COL24A1: variants seen among roughly 807,000 people sequenced by gnomAD.
The protein encoded by COL24A1 is collagen alpha-1(XXIV) chain.
In COL24A1, 224 loss-of-function variants were observed where a neutral mutation model predicts 253.9. The ratio of observed to expected loss-of-function variants is 0.88; its 90% CI spans 0.79 to 0.99. The LOEUF is 0.99. COL24A1 is among the 50% of genes least tolerant of loss of function. The probability of loss-of-function intolerance (pLI) is 0.00; values close to 1 mark genes in which losing one functional copy is unlikely to be tolerated. For synonymous variants in COL24A1, 685 were observed against 673.7 expected (o/e 1.02, Z -0.26); for missense variants, 2,131 against 2,068.5 (o/e 1.03, Z -0.59).
chr1:85,830,238 G>A (rs1340402932), intron 43 of COL24A1, among the ~76,000 whole-genome samples: 3 of 150,966 alleles, frequency 2.0e-5, no homozygotes, highest in Non-Finnish European at 4.5e-5. Context: ...GCTGCTCGGG[G>A]GTCAGGGGTC....
chr1:85,737,416 G>GT lies in COL24A1; in HGVS notation c.4761dup (p.Pro1588ThrfsTer64). The GT allele has an allele frequency of 6.2e-7, 1 of 1,612,012 alleles. No individual in the cohort carries two copies. Among genetic ancestry groups the GT allele is most frequent in the Non-Finnish European group, 8.5e-7 (1 of 1,178,680 alleles). On this transcript the variant is annotated frameshift_variant, in exon 58 of 60. Transcript: ENST00000370571. LOFTEE classifies it high-confidence loss of function. ...CATACCTTTGTTACAGAAACAGGAG[G>GT]TAAGCATGTCTGGCCACCAGCACTG...
chr1:85,784,917 G>T (rs548934460), intron 48 of COL24A1, among the ~76,000 whole-genome samples: 4 of 151,928 alleles, frequency 2.6e-5, no homozygotes, highest in Non-Finnish European at 5.9e-5. Context: ...TTTTTGTAGA[G>T]ACAGGATCTC....
At chr1:85,780,278 AT>A (rs1669017466) in intron 52 of COL24A1, among the ~76,000 whole-genome samples, 1 of 152,114 alleles carries the variant, frequency 6.6e-6, no homozygotes, top group African/African-American at 2.4e-5. Flanking sequence ...CTATTTTTAT[AT>A]TTTTTAATTG....
chr1:86,069,969 C>A (rs763409140), intron 7 of COL24A1, among the ~76,000 whole-genome samples: 18 of 152,098 alleles, frequency 1.2e-4, no homozygotes, highest in Non-Finnish European at 2.5e-4. Flanking sequence ...ATGATCTCAC[C>A]AAATGAACTA....
At chr1:86,027,983 T>G (rs984329551) in intron 14 of COL24A1, among the ~76,000 whole-genome samples, 1 of 152,202 alleles carries the variant, frequency 6.6e-6, no homozygotes, top group Non-Finnish European at 1.5e-5. Flanking sequence ...TTTGGAATTT[T>G]AAGTTTTAAT....
intron 19 of COL24A1, among the ~76,000 whole-genome samples, chr1:85,994,411 GAAA>G (rs56146912): frequency 1.2e-4 from 17 of 141,600 alleles, no homozygotes; most frequent in South Asian, 4.4e-4. Context: ...AAGTTATCCT[GAAA>G]AAAAAAAAAA....
At chr1:86,100,584 C>T (rs1704358758) in intron 5 of COL24A1, among the ~76,000 whole-genome samples, 1 of 152,024 alleles carries the variant, frequency 6.6e-6, no homozygotes, top group Non-Finnish European at 1.5e-5. Flanking sequence ...CCCTTCTGAC[C>T]ACACCAGAGT....
At chr1:85,981,304 A>T (rs1417092959) in intron 20 of COL24A1, among the ~76,000 whole-genome samples, 2 of 152,210 alleles carry the variant, frequency 1.3e-5, no homozygotes, top group African/African-American at 4.8e-5. Context: ...ATGTAGACCA[A>T]TGGGCCAGAC....
chr1:86,002,421 G>T (rs1292658913), intron 19 of COL24A1, among the ~76,000 whole-genome samples: 1 of 152,132 alleles, frequency 6.6e-6, no homozygotes, highest in African/African-American at 2.4e-5. Context: ...CCCATAAATG[G>T]TATATAGTCA....
chr1:85,853,836 T>G (rs911479222), intron 37 of COL24A1, among the ~76,000 whole-genome samples: 1 of 152,206 alleles, frequency 6.6e-6, no homozygotes, highest in African/African-American at 2.4e-5. Context: ...TGCTTATTGA[T>G]TTAAGTTCTT....
chr1:85,978,732 C>T (rs998884352), intron 20 of COL24A1, among the ~76,000 whole-genome samples: 13 of 152,028 alleles, frequency 8.6e-5, no homozygotes, highest in African/African-American at 2.7e-4. Context: ...GATGGTGACA[C>T]GATAATAGTG....
chr1:86,043,712 G>C (rs577862157), intron 12 of COL24A1, among the ~76,000 whole-genome samples: 2 of 152,058 alleles, frequency 1.3e-5, no homozygotes, highest in Non-Finnish European at 2.9e-5. Flanking sequence ...ATTTTTAGTA[G>C]AGACAGGGTT....
At chr1:85,814,177 C>T (rs1672841737) in intron 47 of COL24A1, among the ~76,000 whole-genome samples, 1 of 152,140 alleles carries the variant, frequency 6.6e-6, no homozygotes, top group Non-Finnish European at 1.5e-5. Flanking sequence ...TGGCTGATAT[C>T]CCAAAGTCCT....
intron 41 of COL24A1, among the ~76,000 whole-genome samples, chr1:85,841,736 C>T (rs1676634015): frequency 6.6e-6 from 1 of 151,916 alleles, no homozygotes; most frequent in South Asian, 2.1e-4. Context: ...CTCTCCTGCC[C>T]CAAAGACTTT....
At chr1:86,131,309 C>A (rs1649139800) in intron 2 of COL24A1, among the ~76,000 whole-genome samples, 2 of 151,882 alleles carry the variant, frequency 1.3e-5, no homozygotes, top group Non-Finnish European at 2.9e-5. Flanking sequence ...TTTACTTCAG[C>A]AAACTTTTAA....
chr1:85,967,459 A>G lies in COL24A1; in HGVS notation c.2464-2397T>C, dbSNP rs141169900. ...GCAGAATCAATGCACTGACATTCCT[A>G]TTGGGGCTATTAGATTGGATAATAA... On this transcript the variant is annotated intron_variant, in intron 22 of 59. Coordinates refer to ENST00000370571, the MANE Select transcript of COL24A1 (RefSeq NM_152890.7). Among the ~76,000 whole-genome samples the G allele has an allele frequency of 2.5e-3, 379 of 152,290 alleles. 2 individuals are homozygous for G. The highest frequency in any genetic ancestry group is 8.8e-3 in the African/African-American group (366 of 41,566).
intron 2 of COL24A1, among the ~76,000 whole-genome samples, chr1:86,130,959 G>A (rs112895982): frequency 0.019 from 2,866 of 151,988 alleles, 32 homozygotes; most frequent in Middle Eastern, 0.051. Flanking sequence ...GAAGGTTTAC[G>A]GGAACAACAT....
Position 85,734,247 on chromosome 1 carries a change from T to C in COL24A1, c.4998+502A>G, listed in dbSNP as rs192789260. The stretch of plus-strand genomic sequence containing the variant: ...GAAAAAAAATAGGCCAGAATTCAAA[T>C]ACTTACTGGTGGGGCCAGTCAATAT... On this transcript the variant is annotated intron_variant, in intron 59 of 59. Transcript: ENST00000370571. Among the ~76,000 whole-genome samples, 151 of 152,282 alleles carry C rather than the reference T, an allele frequency of 9.9e-4. No homozygotes were observed. The Middle Eastern group carries it at 0.02, about 21-fold the overall frequency.
chr1:85,992,122 T>C (rs970153280), intron 19 of COL24A1, among the ~76,000 whole-genome samples: 27 of 151,918 alleles, frequency 1.8e-4, no homozygotes, highest in African/African-American at 6.5e-4. Flanking sequence ...CCTTCCTGTG[T>C]CCATGTGTTC....
Sources: allele counts gnomAD v4.1 joint callset (sites outside exome capture counted in the v4.1 genomes callset), GRCh38; gene constraint gnomAD v4.1.1; transcripts MANE v1.5; gene names NCBI Gene and HGNC (gene_info 2026-07-23, HGNC 2026-07-21).